CYP26B1: variants seen among roughly 807,000 people sequenced by gnomAD.
CYP26B1 encodes cytochrome P450 26B1.
Under a neutral mutation model 39.1 loss-of-function variants are expected in CYP26B1, and 8 were observed. That is an observed-to-expected ratio of 0.20 (90% CI 0.12 to 0.37). The LOEUF (loss-of-function observed/expected upper bound fraction) is 0.37. CYP26B1 is among the 10% of genes least tolerant of loss of function. The probability of loss-of-function intolerance (pLI) is 1.00; values close to 1 mark genes in which losing one functional copy is unlikely to be tolerated. For synonymous variants in CYP26B1, 321 were observed against 314.3 expected (o/e 1.02, Z -0.23); for missense variants, 615 against 707.0 (o/e 0.87, Z 1.48).
chr2:72,146,864 AC>A (rs1677136681), intron 1 of CYP26B1, among the ~76,000 whole-genome samples: 2 of 152,008 alleles, frequency 1.3e-5, no homozygotes, highest in Admixed American at 1.3e-4. Flanking sequence ...GACGCGCCTC[AC>A]CCCCGTTATC....
intron 2 of CYP26B1, among the ~76,000 whole-genome samples, chr2:72,135,819 C>T (rs1343700855): frequency 6.6e-6 from 1 of 152,132 alleles, no homozygotes; most frequent in Non-Finnish European, 1.5e-5. Flanking sequence ...TTCCTGGGAA[C>T]CAAAATTGTC....
rs758711951 is a variant in CYP26B1, at chr2:72,133,276, T to C, written c.893A>G (p.Tyr298Cys). 18 of 1,609,476 alleles carry C rather than the reference T, an allele frequency of 1.1e-5. No individual in the cohort carries two copies. The East Asian group carries it at 4.0e-4, about 36-fold the overall frequency. ...DGTLELIFAA[Y>C]ATTASASTSL... ...GGTGCTGGCGCTGGCCGTGGTGGCA[T>C]AGGCCGCAAAGATCAGCTCCAGGGT... The change falls in exon 5 of 6, where the codon TAT becomes TGT. Residue 298 changes from tyrosine to cysteine, a missense_variant. By Grantham distance (194) the Tyr-to-Cys change is radical (BLOSUM62 -2). Coordinates refer to ENST00000001146, the MANE Select transcript of CYP26B1 (RefSeq NM_019885.4).
At chr2:72,138,445 C>T (rs781370577) in intron 2 of CYP26B1, among the ~76,000 whole-genome samples, 24 of 152,220 alleles carry the variant, frequency 1.6e-4, no homozygotes, top group Admixed American at 1.1e-3. Flanking sequence ...TGCCGGGGAG[C>T]GGCTCCCTGT....
rs377201390 is a variant in CYP26B1 at position 72,143,943 on chromosome 2, G to A, written c.429+46C>T. On this transcript the variant is annotated intron_variant, in intron 2 of 5. Transcript: ENST00000001146. The stretch of plus-strand genomic sequence containing the variant: ...CCGGGCTCCAGGAACTCCTTGCCCC[G>A]AGGTGGGGGAGGGATTGCGCGGAAG... 1.1e-5 allele frequency: 18 copies of A among 1,602,696 alleles called. No homozygotes were observed. In the African/African-American group the frequency reaches 2.4e-4, roughly 21 times the overall value.
rs1195105438 is a variant in CYP26B1, at chr2:72,131,325, TG to T, written c.*901del. The T allele has an allele frequency of 2.0e-5, 3 of 152,238 alleles. No individual in the cohort carries two copies. The highest frequency in any genetic ancestry group is 4.4e-5 in the Non-Finnish European group (3 of 68,052). The allele number at this position is 152,238 out of a possible 1,614,324, so 9.4% of individuals were successfully genotyped here. The stretch of plus-strand genomic sequence containing the variant: ...GCTTTCAACCCTAGGCCCTGGGGGC[TG>T]GGTTTGACCAGAGACCCCTTCCTCT... On this transcript the variant is annotated 3_prime_UTR_variant, in exon 6 of 6. Transcript: ENST00000001146.
At chr2:72,136,804 C>T (rs1451823914) in intron 2 of CYP26B1, among the ~76,000 whole-genome samples, 1 of 152,196 alleles carries the variant, frequency 6.6e-6, no homozygotes. Flanking sequence ...ACCCTCATGT[C>T]CTTAGGATTC....
intron 2 of CYP26B1, among the ~76,000 whole-genome samples, chr2:72,136,622 C>G (rs1293931963): frequency 6.6e-6 from 1 of 152,236 alleles, no homozygotes; most frequent in Non-Finnish European, 1.5e-5. Context: ...TACAAAGGGA[C>G]AGCTGAGAGG....
Position 72,132,706 on chromosome 2 carries a change from C to G in CYP26B1, c.1147-87G>C. Reference sequence around the variant, plus strand: ...AGGACTGCCCCCTCCCTGCTCAGCCCCAGATGTTCAAGACCTGCCTTTTCT... The same window carrying G: ...AGGACTGCCCCCTCCCTGCTCAGCCGCAGATGTTCAAGACCTGCCTTTTCT... On this transcript the variant is annotated intron_variant, in intron 5 of 5. Transcript: ENST00000001146. The G allele has an allele frequency of 4.0e-6, 6 of 1,517,734 alleles. No individual in the cohort carries two copies. In the South Asian group the frequency reaches 7.6e-5, roughly 19 times the overall value. The allele number at this position is 1,517,734 out of a possible 1,614,324, so 94.0% of individuals were successfully genotyped here. A position where few individuals can be genotyped will look rare whatever the true frequency, so the allele number is the denominator to read the frequency against.
intron 2 of CYP26B1, among the ~76,000 whole-genome samples, chr2:72,143,607 G>C (rs1470132681): frequency 1.3e-5 from 2 of 152,326 alleles, no homozygotes; most frequent in African/African-American, 4.8e-5. Flanking sequence ...TAGAATGATC[G>C]GTCTCCAGTC....
intron 2 of CYP26B1, among the ~76,000 whole-genome samples, chr2:72,143,290 T>G (rs1436247376): frequency 6.6e-6 from 1 of 152,120 alleles, no homozygotes; most frequent in East Asian, 1.9e-4. Context: ...GGCGGGGGCC[T>G]GTCCCGTGCG....
At chr2:72,136,259 G>T (rs1314969029) in intron 2 of CYP26B1, among the ~76,000 whole-genome samples, 1 of 152,174 alleles carries the variant, frequency 6.6e-6, no homozygotes, top group Non-Finnish European at 1.5e-5. Flanking sequence ...CCAAGCAAAG[G>T]CTGGGAGGGG....
At chr2:72,146,462 A>G (rs1046114298) in intron 1 of CYP26B1, among the ~76,000 whole-genome samples, 4 of 152,212 alleles carry the variant, frequency 2.6e-5, no homozygotes, top group Non-Finnish European at 5.9e-5. Flanking sequence ...GAAAGACCAC[A>G]GGGCAGAGGA....
rs577281267 is a variant in CYP26B1 at position 72,138,020 on chromosome 2, A to G, written c.430-2601T>C. 1.5e-3 allele frequency among the ~76,000 whole-genome samples: 221 copies of G among 152,274 alleles called. 2 individuals are homozygous for G. The highest frequency in any genetic ancestry group is 1.6e-4 in the Non-Finnish European group (11 of 67,996). ...GGGTTCATGAGAGGCCCGACTGGCC[A>G]TTCTGAGGGCCTTTCTGCCAGGCTG... On this transcript the variant is annotated intron_variant, in intron 2 of 5. Transcript: ENST00000001146.
chr2:72,134,412 C>G (rs1676694859), intron 4 of CYP26B1, among the ~76,000 whole-genome samples: 1 of 152,152 alleles, frequency 6.6e-6, no homozygotes, highest in Non-Finnish European at 1.5e-5. Flanking sequence ...CTGCTCTTCC[C>G]CAAGGGCTGA....
At chr2:72,142,382 A>C (rs1235926688) in intron 2 of CYP26B1, among the ~76,000 whole-genome samples, 1 of 152,202 alleles carries the variant, frequency 6.6e-6, no homozygotes, top group Admixed American at 6.5e-5. Flanking sequence ...CCAGGCATGC[A>C]GGACAGAAGA....
intron 3 of CYP26B1, 69 bp downstream of exon 3, chr2:72,135,075 G>C (rs1164729444): frequency 1.2e-6 from 2 of 1,607,256 alleles, no homozygotes; most frequent in African/African-American, 1.3e-5. Context: ...GGTCAGGTCA[G>C]CCACCCACCC....
chr2:72,146,615 C>T (rs965438902), intron 1 of CYP26B1, among the ~76,000 whole-genome samples: 1 of 152,248 alleles, frequency 6.6e-6, no homozygotes, highest in Non-Finnish European at 1.5e-5. Context: ...GGTCGCAGCG[C>T]TCACCTTTCG....
At chr2:72,145,007 A>C (rs1677079781) in intron 1 of CYP26B1, among the ~76,000 whole-genome samples, 1 of 152,046 alleles carries the variant, frequency 6.6e-6, no homozygotes, top group Non-Finnish European at 1.5e-5. Context: ...GAAACCGTGG[A>C]GACCTCAGAG....
At position 72,147,360 on chromosome 2, in the gene CYP26B1, C is replaced by A. The variant is rs909742792; in HGVS notation, c.204+271G>T. Among the ~76,000 whole-genome samples, 9 of 152,300 alleles carry A rather than the reference C, an allele frequency of 5.9e-5. No individual in the cohort carries two copies. Among genetic ancestry groups the A allele is most frequent in the African/African-American group, 2.2e-4 (9 of 41,588 alleles). ...TCCACGCCCCCTGCCAGGCCAGCCG[C>A]GACCCAGGCAAGTCCATCTTGGGAG... On this transcript the variant is annotated intron_variant, in intron 1 of 5. Transcript: ENST00000001146. The surrounding 1 kb of genome is among the most constrained non-coding windows in gnomAD (Gnocchi z 6.1).
Sources: allele counts gnomAD v4.1 joint callset (sites outside exome capture counted in the v4.1 genomes callset), GRCh38; gene constraint gnomAD v4.1.1; non-coding constraint Gnocchi (gnomAD v3.1); transcripts MANE v1.5; gene names NCBI Gene and HGNC (gene_info 2026-07-23, HGNC 2026-07-21).